DTX1: variants seen among roughly 807,000 people sequenced by gnomAD.
The protein encoded by DTX1 is deltex E3 ubiquitin ligase 1.
A neutral mutation model predicts 57.8 loss-of-function variants in DTX1; 26 were observed. That is an observed-to-expected ratio of 0.45 (90% confidence interval 0.33 to 0.62). The LOEUF (loss-of-function observed/expected upper bound fraction) is 0.62, where lower values mean the gene tolerates loss of function less well. Among genes scored for constraint, DTX1 ranks in the 20% least tolerant of loss-of-function variants. DTX1 has a pLI of 0.02. For synonymous variants in DTX1, 398 were observed against 394.1 expected (o/e 1.01, Z -0.12); for missense variants, 704 against 895.3 (o/e 0.79, Z 2.73).
rs192893464 is a variant in DTX1, at chr12:113,097,080, G to A, written c.*141G>A. 1.3e-4 allele frequency: 119 copies of A among 902,846 alleles called. No individual in the cohort carries two copies. The highest frequency in any genetic ancestry group is 1.7e-4 in the Non-Finnish European group (104 of 613,650). 55.9% of individuals were successfully genotyped at this position (902,846 alleles called of 1,614,324 possible). On this transcript the variant is annotated 3_prime_UTR_variant, in exon 10 of 10. Transcript: ENST00000548759. ...CCGCAGCCATTCAGGGGACCTGCCT[G>A]GTGGCAGCTGGGATGAAGAGAGATG...
Position 113,096,908 on chromosome 12 carries a change from AG to A in DTX1, c.1835del (p.Gly612AlafsTer62). On this transcript the variant is annotated frameshift_variant, in exon 10 of 10. Transcript: ENST00000548759. LOFTEE classifies it high-confidence loss of function. ...LDNVLAELTA[Q>X]GVSEAAAKA ...AACGTGCTGGCTGAGCTCACAGCCC[AG>A]GGCGTATCCGAGGCTGCAGCCAAGG... is the stretch of plus-strand genomic sequence containing the variant. 1.2e-6 allele frequency: 2 copies of A among 1,612,698 alleles called. No homozygotes were observed. Among genetic ancestry groups the A allele is most frequent in the Non-Finnish European group, 1.7e-6 (2 of 1,179,982 alleles).
intron 2 of DTX1, among the ~76,000 whole-genome samples, chr12:113,072,151 T>C (rs1277512650): frequency 1.3e-5 from 2 of 152,178 alleles, no homozygotes; most frequent in Non-Finnish European, 2.9e-5. Context: ...GCCCAGATTT[T>C]CCTCTTTCCC....
chr12:113,057,264 GC>G (rs2136419678), intron 1 of DTX1, among the ~76,000 whole-genome samples, 184 bp from the exon 2 acceptor site: 2 of 152,118 alleles, frequency 1.3e-5, no homozygotes, highest in East Asian at 1.9e-4. Flanking sequence ...GGAAAACCGC[GC>G]CCCCGGCCCC....
chr12:113,084,214 A>G lies in DTX1; in HGVS notation c.941+6109A>G, dbSNP rs191987395. 4.6e-3 allele frequency among the ~76,000 whole-genome samples: 698 copies of G among 152,188 alleles called. 3 individuals carry two copies. Among genetic ancestry groups the G allele is most frequent in the Non-Finnish European group, 7.0e-3 (475 of 67,986 alleles). On this transcript the variant is annotated intron_variant, in intron 3 of 9. Coordinates refer to ENST00000548759, the MANE Select transcript of DTX1 (RefSeq NM_004416.3). ...GCCTGGGGGACCTGCGGGGGTGGGG[A>G]AGATCCGCCCTGTCCCCTGAGGGGT...
intron 2 of DTX1, among the ~76,000 whole-genome samples, chr12:113,075,593 C>T (rs1232584543): frequency 1.3e-5 from 2 of 152,192 alleles, no homozygotes; most frequent in African/African-American, 4.8e-5. Context: ...CCAGAGTTTC[C>T]CGTGGAGCCT....
chr12:113,062,589 C>T (rs927036838), intron 2 of DTX1, among the ~76,000 whole-genome samples: 5 of 152,318 alleles, frequency 3.3e-5, no homozygotes, highest in Non-Finnish European at 5.9e-5. Context: ...GGGGTAAGAC[C>T]GTGCTGGTGC....
At chr12:113,091,832 C>T (rs1056974748) in intron 3 of DTX1, among the ~76,000 whole-genome samples, 1 of 152,224 alleles carries the variant, frequency 6.6e-6, no homozygotes, top group Non-Finnish European at 1.5e-5. Flanking sequence ...TTCCTGCCCC[C>T]TCTCCTGGCA....
intron 1 of DTX1, among the ~76,000 whole-genome samples, 189 bp from the exon 2 acceptor site, chr12:113,057,260 C>A (rs555250893): frequency 6.6e-6 from 1 of 152,238 alleles, no homozygotes; most frequent in African/African-American, 2.4e-5. Flanking sequence ...TCTCGGAAAA[C>A]CGCGCCCCCG....
chr12:113,057,085 C>G (rs2044629197), intron 1 of DTX1, 141 bp downstream of exon 1: 2 of 152,018 alleles, frequency 1.3e-5, no homozygotes, highest in Admixed American at 1.3e-4. Flanking sequence ...GGCTTCGCCC[C>G]CTCCGCGACG....
In DTX1 at chr12:113,066,568, G is replaced by T. The variant is rs114513792; in HGVS notation, c.259+8117G>T. ...AATCGTAGTGGGTGGGGAGATTTGT[G>T]ACCTTAAGTAAACCACACTCCCTCC... On this transcript the variant is annotated intron_variant, in intron 2 of 9. Transcript: ENST00000548759. 3.5e-3 allele frequency among the ~76,000 whole-genome samples: 537 copies of T among 151,632 alleles called. 3 individuals are homozygous for T. Among genetic ancestry groups the T allele is most frequent in the African/African-American group, 0.013 (524 of 41,334 alleles).
chr12:113,065,571 G>A (rs948926336), intron 2 of DTX1, among the ~76,000 whole-genome samples: 1 of 152,156 alleles, frequency 6.6e-6, no homozygotes. Context: ...CCCATCCCCC[G>A]CCTCATTCTT....
chr12:113,057,176 C>A (rs1592838409), intron 1 of DTX1, among the ~76,000 whole-genome samples: 1 of 151,982 alleles, frequency 6.6e-6, no homozygotes, highest in African/African-American at 2.4e-5. Context: ...CACCCGGCAT[C>A]CCCCCGGCAG....
At chr12:113,086,565 C>T (rs2044859054) in intron 3 of DTX1, among the ~76,000 whole-genome samples, 1 of 152,208 alleles carries the variant, frequency 6.6e-6, no homozygotes, top group African/African-American at 2.4e-5. Context: ...GAATGCTGAG[C>T]ATAGACCGCA....
In DTX1 at chr12:113,096,978, G is replaced by C. The variant is rs750827888; in HGVS notation, c.*39G>C. On this transcript the variant is annotated 3_prime_UTR_variant, in exon 10 of 10. Transcript: ENST00000548759. ...CCACCTTCCCTCCTGCTTTGCCCCT[G>C]GTCCGGCAAATGCCTCCTTCGCCAG... 2 of 1,569,912 alleles carry C rather than the reference G, an allele frequency of 1.3e-6. No homozygotes were observed. Among genetic ancestry groups the C allele is most frequent in the Non-Finnish European group, 1.7e-6 (2 of 1,159,880 alleles).
rs2044777304 is a variant in DTX1 at position 113,077,048 on chromosome 12, C to T, written c.260-376C>T. Among the ~76,000 whole-genome samples, 1 of 152,086 alleles carries T rather than the reference C, an allele frequency of 6.6e-6. No homozygotes were observed. Among genetic ancestry groups the T allele is most frequent in the African/African-American group, 2.4e-5 (1 of 41,396 alleles). ...GGGTGGGGGAGCCCTCCACACCTTG[C>T]TGGTTTCCTACCCCAGGCTATCTTG... On this transcript the variant is annotated intron_variant, in intron 2 of 9. Coordinates refer to ENST00000548759, the MANE Select transcript of DTX1 (RefSeq NM_004416.3). This position sits in a 1 kb window ranked among gnomAD's most constrained non-coding sequence, Gnocchi z 7.8.
At chr12:113,067,760 G>A (rs888838901) in intron 2 of DTX1, among the ~76,000 whole-genome samples, 9 of 152,138 alleles carry the variant, frequency 5.9e-5, no homozygotes, top group African/African-American at 1.7e-4. Flanking sequence ...GGCCATTTGA[G>A]GTGGCTCATG....
chr12:113,074,599 G>C (rs1289624746), intron 2 of DTX1, among the ~76,000 whole-genome samples: 1 of 152,362 alleles, frequency 6.6e-6, no homozygotes, highest in South Asian at 2.1e-4. Context: ...GTGAGCGGAA[G>C]CCAGGAAGGA....
At position 113,095,849 on chromosome 12, in the gene DTX1, T is replaced by C. The variant is rs1157858086; in HGVS notation, c.1638+435T>C. On this transcript the variant is annotated intron_variant, in intron 9 of 9. Transcript: ENST00000548759. The stretch of plus-strand genomic sequence containing the variant: ...AGTAACTAATTTACAAGTGGCTCTT[T>C]AATATAGTGTGGAGTCCAAACTAAA... Among the ~76,000 whole-genome samples the C allele has an allele frequency of 3.3e-5, 5 of 152,328 alleles. No individual in the cohort carries two copies. In the East Asian group the frequency reaches 5.8e-4, roughly 18 times the overall value.
chr12:113,062,669 C>T (rs1016802369), intron 2 of DTX1, among the ~76,000 whole-genome samples: 3 of 152,224 alleles, frequency 2.0e-5, no homozygotes, highest in Non-Finnish European at 4.4e-5. Flanking sequence ...TGTGCGTACA[C>T]ACACACAGCA....
Sources: gnomAD v4.1 joint callset for allele counts (sites outside exome capture counted in the v4.1 genomes callset) on GRCh38, gnomAD v4.1.1 for gene constraint, Gnocchi (gnomAD v3.1) non-coding constraint, MANE v1.5 for transcripts, NCBI Gene and HGNC (gene_info 2026-07-23, HGNC 2026-07-21) for gene names.